RDH16: variants seen among roughly 807,000 people sequenced by gnomAD.
RDH16 encodes retinol dehydrogenase 16, also known as human epidermal retinol dehydrogenase.
A neutral mutation model predicts 22.3 loss-of-function variants in RDH16; 25 were observed. The observed-to-expected ratio is 1.12, with a 90% CI of 0.82 to 1.56. The LOEUF is 1.56. Among genes scored for constraint, RDH16 ranks in the 40% most tolerant of loss-of-function variants. RDH16 has a pLI of 0.00. For synonymous variants in RDH16, 154 were observed against 164.4 expected (o/e 0.94, Z 0.48); for missense variants, 413 against 394.9 (o/e 1.05, Z -0.39).
chr12:56,954,761 G>A, intron 2 of RDH16, 145 bp downstream of exon 2: 1 of 904,572 alleles, frequency 1.1e-6, no homozygotes, highest in Non-Finnish European at 1.7e-6. Flanking sequence ...TCCAGAAAGA[G>A]GAAGATGAGG....
In RDH16 at chr12:56,952,150, C is replaced by T. The variant is rs931225152; in HGVS notation, c.833G>A (p.Arg278His). The change falls in exon 4 of 4, where the codon CGT becomes CAT. Residue 278 changes from arginine (R) to histidine (H), a missense_variant. Physicochemically the swap from Arg to His is conservative, Grantham distance 29 (BLOSUM62 0). Transcript: ENST00000398138. The stretch of plus-strand genomic sequence containing the variant: ...ATCCCAGCCAGCTGAGTAGCGAGTA[C>T]GGGGGTGGCAGGCAATCAGCGCATG... The part of the protein sequence containing the change: ...MEHALIACHP[R>H]TRYSAGWDAK... 5.2e-5 allele frequency: 84 copies of T among 1,614,034 alleles called. No homozygotes were observed. The Middle Eastern group carries it at 1.5e-3, about 28-fold the overall frequency.
chr12:56,951,661 C>G lies in RDH16; in HGVS notation c.*368G>C, dbSNP rs981540827. On this transcript the variant is annotated 3_prime_UTR_variant, in exon 4 of 4. Transcript: ENST00000398138. ...AGACTGGCCCAGAATTAACACACAGCCTGATAAGGAAGCAGGAGGTAATGG... is the reference window on the plus strand; with the variant it reads ...AGACTGGCCCAGAATTAACACACAGGCTGATAAGGAAGCAGGAGGTAATGG... 4 of 273,134 alleles carry G rather than the reference C, an allele frequency of 1.5e-5. No homozygotes were observed. In the Admixed American group the frequency reaches 1.7e-4, roughly 12 times the overall value. 16.9% of individuals were successfully genotyped at this position (273,134 alleles called of 1,614,324 possible).
chr12:56,954,330 C>A (rs747802821), intron 2 of RDH16, among the ~76,000 whole-genome samples: 4 of 152,154 alleles, frequency 2.6e-5, no homozygotes, highest in Admixed American at 2.0e-4. Flanking sequence ...TGTTAGCAAG[C>A]CACATGCCCA....
intron 3 of RDH16, 98 bp downstream of exon 3, chr12:56,952,729 C>T: frequency 7.1e-7 from 1 of 1,415,556 alleles, no homozygotes. Context: ...GAAGGGAGAG[C>T]CTGGGGATCA....
At chr12:56,952,583 C>T (rs996415046) in intron 3 of RDH16, among the ~76,000 whole-genome samples, 4 of 152,180 alleles carry the variant, frequency 2.6e-5, no homozygotes, top group African/African-American at 9.7e-5. Context: ...TCTGGCTTCC[C>T]TTTGTTCCTC....
At chr12:56,956,261 C>T (rs1955928203) in intron 1 of RDH16, among the ~76,000 whole-genome samples, 1 of 152,030 alleles carries the variant, frequency 6.6e-6, no homozygotes, top group Non-Finnish European at 1.5e-5. Flanking sequence ...AATTTCATAT[C>T]CAACCACTCA....
At chr12:56,953,142 T>A (rs1955898580) in intron 2 of RDH16, 152 bp from the exon 3 acceptor site, 1 of 735,450 alleles carries the variant, frequency 1.4e-6, no homozygotes, top group African/African-American at 1.8e-5. Flanking sequence ...CAAGGGGTCA[T>A]AATTATCATG....
intron 1 of RDH16, 23 bp from the exon 2 acceptor site, chr12:56,955,187 G>C: frequency 6.2e-7 from 1 of 1,613,282 alleles, no homozygotes; most frequent in Non-Finnish European, 8.5e-7. Context: ...GAAGATGAGA[G>C]AGCATCACTG....
At chr12:56,956,667 T>C (rs942851324) in intron 1 of RDH16, among the ~76,000 whole-genome samples, 1 of 152,088 alleles carries the variant, frequency 6.6e-6, no homozygotes, top group Non-Finnish European at 1.5e-5. Flanking sequence ...AAGCTGATAC[T>C]CTCCTCTGAA....
chr12:56,951,979 C>T lies in RDH16; in HGVS notation c.*50G>A, dbSNP rs1955883268. ...TTATATCTCTCCCAAGGATACACCA[C>T]CCCTCATAGCACACCCCAAATCCAT... is the stretch of plus-strand genomic sequence containing the variant. On this transcript the variant is annotated 3_prime_UTR_variant, in exon 4 of 4. Transcript: ENST00000398138. The T allele has an allele frequency of 6.5e-7, 1 of 1,535,586 alleles. No homozygotes were observed. Among genetic ancestry groups the T allele is most frequent in the Non-Finnish European group, 9.0e-7 (1 of 1,111,260 alleles).
chr12:56,956,535 T>C (rs1955929996), intron 1 of RDH16, among the ~76,000 whole-genome samples: 2 of 152,244 alleles, frequency 1.3e-5, no homozygotes, highest in South Asian at 2.1e-4. Flanking sequence ...GATTTATTGT[T>C]ACATAAAATA....
At position 56,952,854 on chromosome 12, in the gene RDH16, C is replaced by T. The variant is rs746561570; in HGVS notation, c.709G>A (p.Ala237Thr). Residue 237 changes from alanine (A) to threonine (T), a missense_variant, in exon 3 of 4, where the codon GCC (alanine) becomes ACC (threonine). Transcript: ENST00000398138. Reference protein sequence around the residue: ...WDRSSPEVKEAYGEKFVADYK... With the variant: ...WDRSSPEVKETYGEKFVADYK... ...TCTGCAACAAACTTCTCGCCATAGGCCTCCTTGACCTCTGGACTGGACCGG... is the reference window on the plus strand; with the variant it reads ...TCTGCAACAAACTTCTCGCCATAGGTCTCCTTGACCTCTGGACTGGACCGG... 2.0e-5 allele frequency: 32 copies of T among 1,613,694 alleles called. No individual in the cohort carries two copies. The highest frequency in any genetic ancestry group is 2.2e-5 in the Non-Finnish European group (26 of 1,179,856).
At chr12:56,953,028 G>C in intron 2 of RDH16, 38 bp from the exon 3 acceptor site, 1 of 1,558,992 alleles carries the variant, frequency 6.4e-7, no homozygotes, top group South Asian at 1.2e-5. Flanking sequence ...AACTTCGGGG[G>C]TCTTGGAAGG....
In RDH16 at chr12:56,951,757, T is replaced by G. The variant is rs1164165363; in HGVS notation, c.*272A>C. 2 of 495,852 alleles carry G rather than the reference T, an allele frequency of 4.0e-6. No homozygotes were observed. Among genetic ancestry groups the G allele is most frequent in the East Asian group, 7.2e-5 (2 of 27,692 alleles). The allele number at this position is 495,852 out of a possible 1,614,324, so 30.7% of individuals were successfully genotyped here. A position where few individuals can be genotyped will look rare whatever the true frequency, so the allele number is the denominator to read the frequency against. On this transcript the variant is annotated 3_prime_UTR_variant, in exon 4 of 4. Coordinates refer to ENST00000398138, the MANE Select transcript of RDH16 (RefSeq NM_003708.5). ...TAGCCCAAGGATGGCCCTAGAGGCT[T>G]GGACCCTTGAGTGGCCACCCACGGT...
chr12:56,953,522 T>C (rs1249896612), intron 2 of RDH16, among the ~76,000 whole-genome samples: 1 of 152,208 alleles, frequency 6.6e-6, no homozygotes. Flanking sequence ...GGGGTTCCAC[T>C]GCCAACAGCA....
Position 56,951,717 on chromosome 12 carries a change from A to G in RDH16, c.*312T>C. On this transcript the variant is annotated 3_prime_UTR_variant, in exon 4 of 4. Transcript: ENST00000398138. ...GCTGAGGCTCCTTCCACCTGCTCAC[A>G]CCCACCCCAGTTGTTAGCCCAAGGA... 2 of 392,256 alleles carry G rather than the reference A, an allele frequency of 5.1e-6. No homozygotes were observed. Among genetic ancestry groups the G allele is most frequent in the Non-Finnish European group, 9.5e-6 (2 of 210,450 alleles). 24.3% of individuals were successfully genotyped at this position (392,256 alleles called of 1,614,324 possible). A position where few individuals can be genotyped will look rare whatever the true frequency, so the allele number is the denominator to read the frequency against.
intron 1 of RDH16, among the ~76,000 whole-genome samples, chr12:56,956,867 A>G (rs1955933008): frequency 6.6e-6 from 1 of 152,060 alleles, no homozygotes; most frequent in South Asian, 2.1e-4. Context: ...ATCAAACAAC[A>G]CATGACTTCT....
intron 1 of RDH16, 59 bp from the exon 2 acceptor site, chr12:56,955,223 G>A: frequency 6.3e-7 from 1 of 1,594,150 alleles, no homozygotes; most frequent in Non-Finnish European, 8.5e-7. Context: ...GGTGGACAGA[G>A]TTAGGGTGCA....
Position 56,955,144 on chromosome 12 carries a change from T to A in RDH16, c.334A>T (p.Asn112Tyr), listed in dbSNP as rs1318064655. ...RDKGLWGLVN[N>Y]AGISLPTAPN... is the part of the protein sequence containing the mutation. ...GCCGTGGGCAAGGAGATGCCAGCAT[T>A]ATTCACCAGGCCCCAGAGTCCTGGG... The change falls in exon 2 of 4, where the codon AAT (asparagine) becomes TAT (tyrosine). Residue 112 changes from asparagine to tyrosine, a missense_variant. Transcript: ENST00000398138. 1 of 1,614,078 alleles carries A rather than the reference T, an allele frequency of 6.2e-7. No homozygotes were observed.
Sources: gnomAD v4.1 joint callset for allele counts (sites outside exome capture counted in the v4.1 genomes callset) on GRCh38, gnomAD v4.1.1 for gene constraint, MANE v1.5 for transcripts, NCBI Gene and HGNC (gene_info 2026-07-23, HGNC 2026-07-21) for gene names.